The following MBD5 variants were observed in gnomAD, a reference collection of about 807,000 sequenced individuals.
MBD5 encodes the protein methyl-CpG-binding domain protein 5.
In MBD5, 13 loss-of-function variants were observed where a neutral mutation model predicts 117.3. The ratio of observed to expected loss-of-function variants is 0.11; its 90% confidence interval spans 0.07 to 0.18. The LOEUF (loss-of-function observed/expected upper bound fraction) is 0.18. Ranked by LOEUF, MBD5 falls within the 10% of genes least tolerant of loss-of-function variation. The pLI, the probability that MBD5 is intolerant of heterozygous loss-of-function variation, is 1.00. For synonymous variants in MBD5, 727 were observed against 766.4 expected, an observed-to-expected ratio of 0.95 and a Z score of 0.85; for missense variants, 1,879 against 2,093.8, an observed-to-expected ratio of 0.90 and a Z score of 2.00.
chr2:148,385,966 G>C (rs1433842588), intron 4 of MBD5, among the ~76,000 whole-genome samples: 4 of 119,538 alleles, frequency 3.3e-5, no homozygotes, highest in African/African-American at 1.2e-4. Context: ...GTTGTGGGGT[G>C]GGGGGAGGGG....
chr2:148,332,707 AG>A (rs1415115657), intron 3 of MBD5, among the ~76,000 whole-genome samples: 1 of 152,114 alleles, frequency 6.6e-6, no homozygotes, highest in Non-Finnish European at 1.5e-5. Flanking sequence ...GAAGCTATTA[AG>A]ATTTTCTATT....
chr2:148,328,516 G>A (rs949977784), intron 3 of MBD5, among the ~76,000 whole-genome samples: 17 of 152,190 alleles, frequency 1.1e-4, no homozygotes, highest in Non-Finnish European at 2.1e-4. Context: ...AGGACCCTCC[G>A]ACCCAGGTGC....
chr2:148,294,509 T>TTTTTTGTTTTTTTTGTTTTTTGTTTG lies in MBD5; in HGVS notation c.-679-47700_-679-47699insGTTTTTTTTGTTTTTTGTTTGTTTTT, dbSNP rs750245317. Among the ~76,000 whole-genome samples the TTTTTTGTTTTTTTTGTTTTTTGTTTG allele has an allele frequency of 4.9e-4, 64 of 130,064 alleles. 1 individual carries two copies. The highest frequency in any genetic ancestry group is 9.6e-4 in the African/African-American group (32 of 33,328). The allele number at this position is 130,064 out of a possible 152,430, so 85.3% of individuals were successfully genotyped here. A position where few individuals can be genotyped will look rare whatever the true frequency, so the allele number is the denominator to read the frequency against. The stretch of plus-strand genomic sequence containing the variant: ...AAAGTGCTGGGATTACAGTTTTTTT[T>TTTTTTGTTTTTTTTGTTTTTTGTTTG]TTTTTTTTTTTTGAGATAGAGCTGG... On this transcript the variant is annotated intron_variant, in intron 3 of 13. Coordinates refer to ENST00000642680, the MANE Select transcript of MBD5 (RefSeq NM_001378120.1).
At chr2:148,063,006 GA>G in intron 1 of MBD5, among the ~76,000 whole-genome samples, 1 of 152,058 alleles carries the variant, frequency 6.6e-6, no homozygotes, top group East Asian at 1.9e-4. Flanking sequence ...CGGATTCCTT[GA>G]GATCTATGAC....
At chr2:148,252,112 G>A (rs937361048) in intron 3 of MBD5, among the ~76,000 whole-genome samples, 2 of 152,246 alleles carry the variant, frequency 1.3e-5, no homozygotes, top group East Asian at 1.9e-4. Context: ...CAGTGGATCA[G>A]GGGATAGTTC....
intron 2 of MBD5, among the ~76,000 whole-genome samples, chr2:148,214,918 T>A (rs190413388): frequency 6.6e-6 from 1 of 152,240 alleles, no homozygotes; most frequent in African/African-American, 2.4e-5. Flanking sequence ...ACATATGAAA[T>A]TACTGGTAAG....
chr2:148,398,408 A>G (rs1028137977), intron 4 of MBD5, among the ~76,000 whole-genome samples: 66 of 152,066 alleles, frequency 4.3e-4, no homozygotes, highest in African/African-American at 1.6e-3. Flanking sequence ...GCCAGTGATG[A>G]TGAGCATTTT....
At chr2:148,125,796 T>C (rs1030987017) in intron 1 of MBD5, among the ~76,000 whole-genome samples, 3 of 152,246 alleles carry the variant, frequency 2.0e-5, no homozygotes, top group African/African-American at 4.8e-5. Context: ...ACAAGGGCTA[T>C]GGCTGCCACT....
intron 4 of MBD5, among the ~76,000 whole-genome samples, chr2:148,391,104 A>G (rs74878285): frequency 0.023 from 3,500 of 152,282 alleles, 72 homozygotes; most frequent in Middle Eastern, 0.058. Flanking sequence ...GAAACTCCCA[A>G]GACTCTTTAA....
intron 3 of MBD5, among the ~76,000 whole-genome samples, chr2:148,255,983 G>A (rs921716267): frequency 6.6e-6 from 1 of 152,256 alleles, no homozygotes; most frequent in South Asian, 2.1e-4. Flanking sequence ...ATGGTGTTCT[G>A]TTGGTCAGCC....
At chr2:148,237,488 G>A (rs930520478) in intron 3 of MBD5, among the ~76,000 whole-genome samples, 5 of 152,110 alleles carry the variant, frequency 3.3e-5, no homozygotes, top group South Asian at 2.1e-4. Context: ...GGAGAGAGAC[G>A]GGGAAACAGC....
chr2:148,052,656 C>T (rs998491126), intron 1 of MBD5, among the ~76,000 whole-genome samples: 1 of 151,838 alleles, frequency 6.6e-6, no homozygotes, highest in Admixed American at 6.6e-5. Context: ...GTTCTTTGAC[C>T]TATTGATTAT....
chr2:148,095,844 G>T (rs923192056), intron 1 of MBD5, among the ~76,000 whole-genome samples: 3 of 151,752 alleles, frequency 2.0e-5, no homozygotes, highest in African/African-American at 7.3e-5. Context: ...TGGGTTCTCT[G>T]AGCTATAAAG....
Position 148,464,662 on chromosome 2 carries a change from C to G in MBD5, c.397+743C>G, listed in dbSNP as rs539305485. On this transcript the variant is annotated intron_variant, in intron 7 of 13. Coordinates refer to ENST00000642680, the MANE Select transcript of MBD5 (RefSeq NM_001378120.1). ...CCTAACAGTGTCTCTTATAGTTTCACAGAAATTCAGTCTTGACCAGGTGCA... is the reference window on the plus strand; with the variant it reads ...CCTAACAGTGTCTCTTATAGTTTCAGAGAAATTCAGTCTTGACCAGGTGCA... Among the ~76,000 whole-genome samples, 290 of 151,944 alleles carry G rather than the reference C, an allele frequency of 1.9e-3. 1 individual carries two copies. Among genetic ancestry groups the G allele is most frequent in the African/African-American group, 6.8e-3 (283 of 41,456 alleles).
rs1032320113 is a variant in MBD5 at position 148,328,851 on chromosome 2, C to T, written c.-679-13363C>T. On this transcript the variant is annotated intron_variant, in intron 3 of 13. Coordinates refer to ENST00000642680, the MANE Select transcript of MBD5 (RefSeq NM_001378120.1). ...TAGACCGGAGCTGTTCCTATTCGGCCATCCATATATATCTTTTTAGATCAG... is the reference window on the plus strand; with the variant it reads ...TAGACCGGAGCTGTTCCTATTCGGCTATCCATATATATCTTTTTAGATCAG... Among the ~76,000 whole-genome samples, 3 of 152,278 alleles carry T rather than the reference C, an allele frequency of 2.0e-5. 1 individual carries two copies. Among genetic ancestry groups the T allele is most frequent in the Admixed American group, 6.5e-5 (1 of 15,306 alleles).
chr2:148,297,603 TA>T (rs1701685276), intron 3 of MBD5, among the ~76,000 whole-genome samples: 1 of 152,196 alleles, frequency 6.6e-6, no homozygotes, highest in African/African-American at 2.4e-5. Context: ...TATACTGAAC[TA>T]ATTTTGAGGC....
intron 3 of MBD5, among the ~76,000 whole-genome samples, chr2:148,340,218 C>T (rs1234412038): frequency 6.6e-6 from 1 of 152,106 alleles, no homozygotes; most frequent in Non-Finnish European, 1.5e-5. Context: ...AGAAGGTAAA[C>T]AAATTACTTG....
intron 1 of MBD5, among the ~76,000 whole-genome samples, chr2:148,078,708 C>A (rs756527416): frequency 6.6e-6 from 1 of 152,142 alleles, no homozygotes; most frequent in Non-Finnish European, 1.5e-5. Flanking sequence ...AACATATATT[C>A]TTTGACTCTT....
At chr2:148,328,420 G>T (rs566959902) in intron 3 of MBD5, among the ~76,000 whole-genome samples, 4 of 152,342 alleles carry the variant, frequency 2.6e-5, no homozygotes, top group Admixed American at 2.6e-4. Context: ...CTGGGCAATG[G>T]TGGGCGCCCC....
Sources: allele counts gnomAD v4.1 joint callset (sites outside exome capture counted in the v4.1 genomes callset), GRCh38; gene constraint gnomAD v4.1.1; transcripts MANE v1.5; gene names NCBI Gene and HGNC (gene_info 2026-07-23, HGNC 2026-07-21).